Variants in LAMA2 observed in about 807,000 individuals in gnomAD.
LAMA2 encodes the protein laminin subunit alpha 2.
LAMA2 carries 269 observed loss-of-function variants against 364.8 expected under a neutral mutation model. The observed-to-expected ratio is 0.74, with a 90% CI of 0.67 to 0.82. The LOEUF is 0.82. Among genes scored for constraint, LAMA2 ranks in the 40% least tolerant of loss-of-function variants. The probability of loss-of-function intolerance (pLI) is 0.00; values close to 1 mark genes in which losing one functional copy is unlikely to be tolerated. For missense variants in LAMA2, 3,807 were observed against 3,873.2 expected (o/e 0.98, Z 0.45); for synonymous variants, 1,379 against 1,370.6 (o/e 1.01, Z -0.14).
At chr6:129,142,790 G>T (rs1754790168) in intron 4 of LAMA2, among the ~76,000 whole-genome samples, 1 of 151,862 alleles carries the variant, frequency 6.6e-6, no homozygotes, top group Admixed American at 6.6e-5. Flanking sequence ...TATTTGTGGG[G>T]TTTGCCAACC....
At chr6:129,145,253 A>G (rs1053546321) in intron 5 of LAMA2, among the ~76,000 whole-genome samples, 1 of 151,978 alleles carries the variant, frequency 6.6e-6, no homozygotes, top group Non-Finnish European at 1.5e-5. Flanking sequence ...TTTCCTCGTT[A>G]CTTAACTTCC....
chr6:129,157,180 GA>G (rs1230660735), intron 8 of LAMA2, among the ~76,000 whole-genome samples: 1 of 152,086 alleles, frequency 6.6e-6, no homozygotes, highest in Non-Finnish European at 1.5e-5. Context: ...GGCTTTCACA[GA>G]AAGCACCGTT....
At position 129,177,771 on chromosome 6, in the gene LAMA2, AG is replaced by A. The variant is rs1172160906; in HGVS notation, c.1376del (p.Gly459AlafsTer16). The A allele has an allele frequency of 6.2e-7, 1 of 1,613,978 alleles. No individual in the cohort carries two copies. Among genetic ancestry groups the A allele is most frequent in the Non-Finnish European group, 8.5e-7 (1 of 1,179,938 alleles). The stretch of plus-strand genomic sequence containing the variant: ...AGGTGTGAGCTGTGATCGGTGTGCC[AG>A]GGGCTACACTGGCTACCCGGACTGC... Reference protein sequence around the residue: ...FGGVSCDRCARGYTGYPDCKA... With the variant: ...FGGVSCDRCAXGYTGYPDCKA... On this transcript the variant is annotated frameshift_variant, in exon 10 of 65. Transcript: ENST00000421865. LOFTEE classifies it high-confidence loss of function.
rs569150417 is a variant in LAMA2 at position 129,104,584 on chromosome 6, C to A, written c.639+6169C>A. Among the ~76,000 whole-genome samples the A allele has an allele frequency of 2.6e-5, 4 of 152,250 alleles. No homozygotes were observed. The East Asian group carries it at 5.8e-4, about 22-fold the overall frequency. The stretch of plus-strand genomic sequence containing the variant: ...ATCAATCTATTAAAGGATATTCAAG[C>A]CCCCAATTTCAGCCTCTGTATCCAA... On this transcript the variant is annotated intron_variant, in intron 4 of 64. Coordinates refer to ENST00000421865, the MANE Select transcript of LAMA2 (RefSeq NM_000426.4).
At chr6:129,270,304 C>G (rs1467034126) in intron 16 of LAMA2, among the ~76,000 whole-genome samples, 1 of 147,542 alleles carries the variant, frequency 6.8e-6, no homozygotes, top group East Asian at 2.0e-4. Context: ...CACACACACA[C>G]ACACACACAC....
At chr6:129,309,960 C>T (rs917778146) in intron 22 of LAMA2, among the ~76,000 whole-genome samples, 3 of 143,998 alleles carry the variant, frequency 2.1e-5, no homozygotes, top group African/African-American at 5.3e-5. Context: ...AGTGCAGTGG[C>T]GCGATCTCGG....
intron 21 of LAMA2, 105 bp downstream of exon 21, chr6:129,297,970 A>G (rs773161709): frequency 1.2e-6 from 1 of 847,512 alleles, no homozygotes; most frequent in Non-Finnish European, 1.8e-6. Context: ...GATACAACGT[A>G]TTTAACATAA....
intron 1 of LAMA2, among the ~76,000 whole-genome samples, chr6:128,913,917 T>C (rs1208914176): frequency 2.0e-5 from 3 of 152,138 alleles, no homozygotes; most frequent in African/African-American, 7.2e-5. Context: ...AGGGTATCTG[T>C]AGGTGCCATT....
chr6:128,993,068 G>T (rs1283047035), intron 1 of LAMA2, among the ~76,000 whole-genome samples: 1 of 152,118 alleles, frequency 6.6e-6, no homozygotes, highest in Non-Finnish European at 1.5e-5. Context: ...AGCTCTCCCT[G>T]AGACACATTG....
intron 1 of LAMA2, among the ~76,000 whole-genome samples, chr6:129,041,935 G>A (rs2114756267): frequency 6.6e-6 from 1 of 150,972 alleles, no homozygotes; most frequent in East Asian, 1.9e-4. Flanking sequence ...GGAGTTCAAG[G>A]TTACAGTGAA....
intron 4 of LAMA2, among the ~76,000 whole-genome samples, chr6:129,106,304 G>A (rs931330639): frequency 6.6e-6 from 1 of 152,000 alleles, no homozygotes; most frequent in Non-Finnish European, 1.5e-5. Context: ...TACAGGAGAA[G>A]GAAGACACAA....
intron 4 of LAMA2, among the ~76,000 whole-genome samples, chr6:129,122,566 A>AT (rs1203680469): frequency 2.0e-5 from 3 of 152,020 alleles, no homozygotes; most frequent in Non-Finnish European, 4.4e-5. Flanking sequence ...TTACCATCTG[A>AT]TTTTTTTCCT....
At chr6:129,078,989 C>A (rs977191802) in intron 3 of LAMA2, among the ~76,000 whole-genome samples, 1 of 152,166 alleles carries the variant, frequency 6.6e-6, no homozygotes, top group African/African-American at 2.4e-5. Context: ...ATTTTTAAGG[C>A]TGAATAATAT....
chr6:129,260,842 T>A lies in LAMA2; in HGVS notation c.2208+20T>A. ...TGTGAAGTAAGCTTGCAAGAATGTA[T>A]CCTTAGTGCTTTCAAAGTTCCCTCA... On this transcript the variant is annotated intron_variant, in intron 15 of 64. Coordinates refer to ENST00000421865, the MANE Select transcript of LAMA2 (RefSeq NM_000426.4). The A allele has an allele frequency of 7.2e-7, 1 of 1,397,312 alleles. No homozygotes were observed. Among genetic ancestry groups the A allele is most frequent in the Non-Finnish European group, 1.0e-6 (1 of 982,466 alleles). The allele number at this position is 1,397,312 out of a possible 1,614,324, so 86.6% of individuals were successfully genotyped here.
intron 1 of LAMA2, among the ~76,000 whole-genome samples, chr6:128,980,308 A>G (rs1409677596): frequency 6.6e-6 from 1 of 152,198 alleles, no homozygotes; most frequent in African/African-American, 2.4e-5. Context: ...TTTTTGCACT[A>G]TATACCGCTT....
At chr6:128,930,902 C>A (rs1224020856) in intron 1 of LAMA2, among the ~76,000 whole-genome samples, 1 of 152,206 alleles carries the variant, frequency 6.6e-6, no homozygotes, top group East Asian at 1.9e-4. Context: ...TGTACACACA[C>A]ACTTTCTAAC....
chr6:129,247,374 C>T (rs2114265143), intron 12 of LAMA2, among the ~76,000 whole-genome samples: 1 of 152,260 alleles, frequency 6.6e-6, no homozygotes, highest in South Asian at 2.1e-4. Context: ...CTGCTTAAGC[C>T]TGGGAGGAGG....
intron 1 of LAMA2, among the ~76,000 whole-genome samples, chr6:128,909,735 T>A (rs1456951612): frequency 6.6e-6 from 1 of 152,118 alleles, no homozygotes; most frequent in Admixed American, 6.6e-5. Context: ...CTAGTCTCGA[T>A]GGTCTTTACA....
At position 129,288,059 on chromosome 6, in the gene LAMA2, G is replaced by C. The variant is rs759555791; in HGVS notation, c.2749+1G>C. ...GCAGTTGATGCGAAGAACTGTCAGC[G>C]TAAGTCCTGAACTATTGATGCCCCT... On this transcript the variant is annotated splice_donor_variant, in intron 19 of 64. Transcript: ENST00000421865. LOFTEE classifies it high-confidence loss of function. The C allele has an allele frequency of 2.5e-6, 4 of 1,612,684 alleles. No individual in the cohort carries two copies. The highest frequency in any genetic ancestry group is 3.4e-6 in the Non-Finnish European group (4 of 1,178,808).
Sources: gnomAD v4.1 joint callset for allele counts (sites outside exome capture counted in the v4.1 genomes callset) on GRCh38, gnomAD v4.1.1 for gene constraint, MANE v1.5 for transcripts, NCBI Gene and HGNC (gene_info 2026-07-23, HGNC 2026-07-21) for gene names.